DCHS2: variants seen among roughly 807,000 people sequenced by gnomAD.
DCHS2 encodes dachsous cadherin-related 2, also known as protocadherin-23.
DCHS2 carries 142 observed loss-of-function variants against 182.4 expected under a neutral mutation model. That is an observed-to-expected ratio of 0.78 (90% CI 0.68 to 0.89). The LOEUF (loss-of-function observed/expected upper bound fraction) is 0.89, where lower values mean the gene tolerates loss of function less well. DCHS2 is among the 40% of genes least tolerant of loss of function. The pLI is 0.00. For synonymous variants in DCHS2, 1,740 were observed against 1,663.3 expected (o/e 1.05, Z -1.12); for missense variants, 4,319 against 4,198.6 (o/e 1.03, Z -0.79).
At chr4:154,424,909 C>T (rs929659026) in intron 1 of DCHS2, among the ~76,000 whole-genome samples, 2 of 152,198 alleles carry the variant, frequency 1.3e-5, no homozygotes, top group African/African-American at 4.8e-5. Flanking sequence ...ATGACATCTG[C>T]AACAGGTACA....
intron 12 of DCHS2, among the ~76,000 whole-genome samples, chr4:154,302,908 A>G (rs1735266335): frequency 6.7e-6 from 1 of 148,696 alleles, no homozygotes; most frequent in Admixed American, 6.8e-5. Flanking sequence ...GTATATATAC[A>G]CACATATATA....
At chr4:154,328,221 G>A (rs1270541918) in intron 6 of DCHS2, 29 bp from the exon 7 acceptor site, 5 of 1,554,762 alleles carry the variant, frequency 3.2e-6, no homozygotes, top group East Asian at 2.3e-5. Flanking sequence ...GCTTACAAAT[G>A]AGTCAGCAAA....
At chr4:154,347,332 T>C (rs1729406140) in intron 3 of DCHS2, among the ~76,000 whole-genome samples, 1 of 150,002 alleles carries the variant, frequency 6.7e-6, no homozygotes, top group Non-Finnish European at 1.5e-5. Context: ...GTTGATGGAG[T>C]AAGAAAAGAG....
chr4:154,447,705 G>A (rs1478746365), intron 1 of DCHS2, among the ~76,000 whole-genome samples: 2 of 152,152 alleles, frequency 1.3e-5, no homozygotes, highest in African/African-American at 4.8e-5. Flanking sequence ...CAGTCCTGAT[G>A]TGGTGCTGTC....
chr4:154,482,560 T>A (rs1285051027), intron 1 of DCHS2, among the ~76,000 whole-genome samples: 1 of 152,090 alleles, frequency 6.6e-6, no homozygotes, highest in Non-Finnish European at 1.5e-5. Context: ...AGGAAAGAAG[T>A]GAGCGAAAAA....
At chr4:154,447,878 T>C (rs1264634834) in intron 1 of DCHS2, among the ~76,000 whole-genome samples, 1 of 152,200 alleles carries the variant, frequency 6.6e-6, no homozygotes, top group Non-Finnish European at 1.5e-5. Flanking sequence ...CTTTTGATCA[T>C]AAAACATATC....
intron 12 of DCHS2, among the ~76,000 whole-genome samples, chr4:154,303,959 T>G (rs1030665955): frequency 6.6e-6 from 1 of 152,172 alleles, no homozygotes; most frequent in Non-Finnish European, 1.5e-5. Context: ...GAATTCTCCT[T>G]GAACCCATTT....
At chr4:154,481,853 A>C (rs1416648684) in intron 1 of DCHS2, among the ~76,000 whole-genome samples, 1 of 152,228 alleles carries the variant, frequency 6.6e-6, no homozygotes, top group African/African-American at 2.4e-5. Context: ...CTGCATTGCA[A>C]GCTTTTATCC....
At position 154,491,464 on chromosome 4, in the gene DCHS2, T is replaced by G; in HGVS notation, c.-109A>C. 7.1e-7 allele frequency: 1 copy of G among 1,410,890 alleles called. No homozygotes were observed. Among genetic ancestry groups the G allele is most frequent in the East Asian group, 2.6e-5 (1 of 38,220 alleles). The allele number at this position is 1,410,890 out of a possible 1,614,324, so 87.4% of individuals were successfully genotyped here. A position where few individuals can be genotyped will look rare whatever the true frequency, so the allele number is the denominator to read the frequency against. On this transcript the variant is annotated 5_prime_UTR_variant, in exon 1 of 20. Transcript: ENST00000357232. Reference sequence around the variant, plus strand: ...GTCTGAGCCAGAGAAGAAAAGACTTTGTTTGGCAAACAAACCGACGGCCCA... The same window carrying G: ...GTCTGAGCCAGAGAAGAAAAGACTTGGTTTGGCAAACAAACCGACGGCCCA...
intron 1 of DCHS2, among the ~76,000 whole-genome samples, chr4:154,452,906 A>G (rs1350185882): frequency 6.6e-6 from 1 of 152,166 alleles, no homozygotes; most frequent in Non-Finnish European, 1.5e-5. Flanking sequence ...CTTTGCAAAC[A>G]TCTCAAAGGA....
In DCHS2 at chr4:154,491,195, A is replaced by G; in HGVS notation, c.161T>C (p.Val54Ala). The G allele has an allele frequency of 6.4e-7, 1 of 1,551,372 alleles. No individual in the cohort carries two copies. The highest frequency in any genetic ancestry group is 1.2e-5 in the South Asian group (1 of 84,044). The change falls in exon 1 of 20, where the codon GTG becomes GCG. Residue 54 changes from valine to alanine, a missense_variant. By Grantham distance (64) the Val-to-Ala change is moderately conservative (BLOSUM62 0). Transcript: ENST00000357232. ...GGAGCCCGAGGCCGCCCACAGCCACACGTGCACCAAGAGCCAGAGCAGGGA... is the reference window on the plus strand; with the variant it reads ...GGAGCCCGAGGCCGCCCACAGCCACGCGTGCACCAAGAGCCAGAGCAGGGA... ...QRSLLWLLVH[V>A]WLWAASGSSA... is the part of the protein sequence containing the mutation.
intron 16 of DCHS2, among the ~76,000 whole-genome samples, chr4:154,253,169 T>TGGAGA (rs913963081): frequency 1.4e-5 from 2 of 141,348 alleles, no homozygotes; most frequent in Non-Finnish European, 3.0e-5. Context: ...TTGGTGATGC[T>TGGAGA]GGAGAGAGAG....
chr4:154,490,467 C>G lies in DCHS2; in HGVS notation c.889G>C (p.Glu297Gln), dbSNP rs1728776836. 1.3e-6 allele frequency: 2 copies of G among 1,536,776 alleles called. No homozygotes were observed. The highest frequency in any genetic ancestry group is 2.4e-5 in the South Asian group (2 of 83,982). Residue 297 changes from glutamate to glutamine, a missense_variant, in exon 1 of 20, where the codon GAG becomes CAG. Transcript: ENST00000357232. ...ACCGCGGCGCGGTACTCGTCCTGCT[C>G]AAAGACCGGCGGGTTGTCGTTCTCA... ...LDENDNPPVF[E>Q]QDEYRAAVRE...
rs1417119004 is a variant in DCHS2, at chr4:154,257,730, A to G, written c.6789+1815T>C. Among the ~76,000 whole-genome samples, 6 of 152,170 alleles carry G rather than the reference A, an allele frequency of 3.9e-5. No individual in the cohort carries two copies. In the South Asian group the frequency reaches 6.2e-4, roughly 16 times the overall value. ...TGGTATGAGCTCCAGAGCCTCCTTCATTTCTAATTTTCTGAACAGGACACA... is the reference window on the plus strand; with the variant it reads ...TGGTATGAGCTCCAGAGCCTCCTTCGTTTCTAATTTTCTGAACAGGACACA... On this transcript the variant is annotated intron_variant, in intron 15 of 19. Coordinates refer to ENST00000357232, the MANE Select transcript of DCHS2 (RefSeq NM_001358235.2).
intron 3 of DCHS2, among the ~76,000 whole-genome samples, chr4:154,344,738 C>T (rs1029140804): frequency 3.3e-5 from 5 of 152,246 alleles, no homozygotes; most frequent in East Asian, 3.9e-4. Context: ...GAGGCGGTGC[C>T]GCAGGGCTAG....
rs1031931290 is a variant in DCHS2, at chr4:154,236,397, A to G, written c.8255T>C (p.Phe2752Ser). Reference sequence around the variant, plus strand: ...CAGGACACTGACAAACACAACTGCAAAAGAAAAATGTTTCTTTTCTGCATC... The same window carrying G: ...CAGGACACTGACAAACACAACTGCAGAAGAAAAATGTTTCTTTTCTGCATC... ...ASDAEKKHFS[F>S]AVVFVSVLDD... The change falls in exon 20 of 20, where the codon TTT (phenylalanine) becomes TCT (serine). Residue 2752 changes from phenylalanine to serine, a missense_variant. By Grantham distance (155) the Phe-to-Ser change is radical. Transcript: ENST00000357232. 1.9e-6 allele frequency: 3 copies of G among 1,614,108 alleles called. No homozygotes were observed. The highest frequency in any genetic ancestry group is 3.3e-5 in the Admixed American group (2 of 60,014).
intron 1 of DCHS2, among the ~76,000 whole-genome samples, chr4:154,454,434 G>A (rs770363489): frequency 3.3e-5 from 5 of 151,978 alleles, no homozygotes; most frequent in Admixed American, 6.6e-5. Context: ...TATAGAGATG[G>A]GGTCTCACCA....
chr4:154,240,454 G>A (rs1311063024), intron 18 of DCHS2, 83 bp downstream of exon 18: 2 of 1,489,656 alleles, frequency 1.3e-6, no homozygotes, highest in African/African-American at 1.4e-5. Flanking sequence ...ATCTGAATTA[G>A]TCTATCGGCG....
rs535864785 is a variant in DCHS2, at chr4:154,234,684, C to T, written c.9968G>A (p.Gly3323Asp). ...IPYHLGSLPE[G>D]MTPNFSPSLS... ...AGATGGAGAAAAATTGGGAGTCATGCCTTCTGGCAGAGAACCAAGATGGTA... is the reference window on the plus strand; with the variant it reads ...AGATGGAGAAAAATTGGGAGTCATGTCTTCTGGCAGAGAACCAAGATGGTA... Residue 3323 changes from glycine to aspartate, a missense_variant, in exon 20 of 20, where the codon GGC becomes GAC. Gly to Asp is a moderately conservative substitution (Grantham distance 94). Coordinates refer to ENST00000357232, the MANE Select transcript of DCHS2 (RefSeq NM_001358235.2). 92 of 1,613,894 alleles carry T rather than the reference C, an allele frequency of 5.7e-5. No individual in the cohort carries two copies. In the South Asian group the frequency reaches 9.9e-4, roughly 17 times the overall value.
Sources: allele counts gnomAD v4.1 joint callset (sites outside exome capture counted in the v4.1 genomes callset), GRCh38; gene constraint gnomAD v4.1.1; transcripts MANE v1.5; gene names NCBI Gene and HGNC (gene_info 2026-07-23, HGNC 2026-07-21).